RALY: variants seen among roughly 807,000 people sequenced by gnomAD.
RALY encodes the protein RALY heterogeneous nuclear ribonucleoprotein.
In RALY, 15 loss-of-function variants were observed where a neutral mutation model predicts 30.7. That is an observed-to-expected ratio of 0.49 (90% CI 0.33 to 0.75). The LOEUF (loss-of-function observed/expected upper bound fraction) is 0.75, where lower values mean the gene tolerates loss of function less well. Ranked by LOEUF, RALY falls within the 30% of genes least tolerant of loss-of-function variation. RALY has a pLI of 0.02. For synonymous variants in RALY, 177 were observed against 170.8 expected, an observed-to-expected ratio of 1.04 and a Z score of -0.28; for missense variants, 339 against 414.3, an observed-to-expected ratio of 0.82 and a Z score of 1.58.
At chr20:34,010,794 C>T (rs1438833422) in intron 1 of RALY, among the ~76,000 whole-genome samples, 1 of 152,202 alleles carries the variant, frequency 6.6e-6, no homozygotes, top group Admixed American at 6.5e-5. Context: ...ACCTCTTCCT[C>T]TTATAGGTCT....
chr20:34,010,321 C>G (rs757194216), intron 1 of RALY, among the ~76,000 whole-genome samples: 7 of 152,190 alleles, frequency 4.6e-5, no homozygotes, highest in Non-Finnish European at 7.3e-5. Flanking sequence ...CTCTACCTCC[C>G]GGGCTCAGGT....
At chr20:34,022,252 T>C (rs942868564) in intron 1 of RALY, among the ~76,000 whole-genome samples, 1 of 152,026 alleles carries the variant, frequency 6.6e-6, no homozygotes, top group Non-Finnish European at 1.5e-5. Context: ...TATTCTCTTC[T>C]CTATACCTTA....
chr20:34,018,694 C>T (rs907817621), intron 1 of RALY, among the ~76,000 whole-genome samples: 3 of 152,078 alleles, frequency 2.0e-5, no homozygotes, highest in Admixed American at 6.5e-5. Context: ...TTTGTTTTTT[C>T]CATTAGCAAT....
intron 2 of RALY, among the ~76,000 whole-genome samples, chr20:34,052,088 G>T (rs538867596): frequency 6.6e-6 from 1 of 152,270 alleles, no homozygotes; most frequent in South Asian, 2.1e-4. Flanking sequence ...CTAGAGATCT[G>T]TCCCAGTGTG....
intron 1 of RALY, among the ~76,000 whole-genome samples, chr20:34,024,833 G>A (rs1481209305): frequency 1.3e-5 from 2 of 152,212 alleles, no homozygotes; most frequent in Non-Finnish European, 2.9e-5. Flanking sequence ...CAACCATACA[G>A]TAGAGCCAGT....
intron 2 of RALY, among the ~76,000 whole-genome samples, chr20:34,057,405 C>T (rs1376495725): frequency 2.0e-5 from 3 of 152,152 alleles, no homozygotes; most frequent in Non-Finnish European, 4.4e-5. Flanking sequence ...TGGTGGCTCA[C>T]GCCTGTAATC....
intron 2 of RALY, chr20:34,033,206 C>G (rs773659861): frequency 6.6e-6 from 1 of 152,164 alleles, no homozygotes; most frequent in Non-Finnish European, 1.5e-5. Flanking sequence ...CTCCCTGTCC[C>G]CTCACGTCTC....
chr20:34,076,685 C>T lies in RALY; in HGVS notation c.545-17C>T, dbSNP rs1272766982. 1.2e-6 allele frequency: 2 copies of T among 1,608,736 alleles called. No individual in the cohort carries two copies. The highest frequency in any genetic ancestry group is 2.2e-5 in the East Asian group (1 of 44,840). ...CCAGCCCCCTAGGTGACAGCCCTGT[C>T]CCCCCTCCACTCCCAGTAAAGAGCA... On this transcript the variant is annotated splice_polypyrimidine_tract_variant and intron_variant, in intron 6 of 9. Coordinates refer to ENST00000246194, the MANE Select transcript of RALY (RefSeq NM_016732.3).
intron 1 of RALY, among the ~76,000 whole-genome samples, chr20:34,010,326 T>G (rs1329900845): frequency 6.6e-6 from 1 of 152,168 alleles, no homozygotes; most frequent in Non-Finnish European, 1.5e-5. Flanking sequence ...CCTCCCGGGC[T>G]CAGGTGGTTC....
chr20:34,022,250 T>G (rs1435660595), intron 1 of RALY, among the ~76,000 whole-genome samples: 1 of 151,960 alleles, frequency 6.6e-6, no homozygotes, highest in Non-Finnish European at 1.5e-5. Context: ...CTTATTCTCT[T>G]CTCTATACCT....
chr20:34,071,164 G>A (rs936408016), intron 2 of RALY, among the ~76,000 whole-genome samples: 2 of 152,170 alleles, frequency 1.3e-5, no homozygotes, highest in African/African-American at 2.4e-5. Context: ...ATTACAATTA[G>A]ACATGAGATT....
At chr20:34,048,871 A>AAAAAAG (rs1555805742) in intron 2 of RALY, among the ~76,000 whole-genome samples, 1 of 150,278 alleles carries the variant, frequency 6.7e-6, no homozygotes, top group Admixed American at 6.6e-5. Context: ...AAAAAAAAAA[A>AAAAAAG]TTTTCTCTGC....
chr20:34,045,339 A>G (rs1389391124), intron 2 of RALY, among the ~76,000 whole-genome samples: 1 of 152,218 alleles, frequency 6.6e-6, no homozygotes, highest in Non-Finnish European at 1.5e-5. Context: ...AGACCTCTCT[A>G]AGGAGGAAGA....
chr20:34,046,717 A>G (rs1555805475), intron 2 of RALY, among the ~76,000 whole-genome samples: 1 of 116,238 alleles, frequency 8.6e-6, no homozygotes, highest in Non-Finnish European at 1.9e-5. Context: ...GTGTGTAGAT[A>G]GAGGCCAGGT....
intron 2 of RALY, among the ~76,000 whole-genome samples, chr20:34,071,573 C>T (rs181494797): frequency 5.5e-4 from 84 of 152,230 alleles, no homozygotes; most frequent in Admixed American, 1.2e-3. Context: ...CCACCATGCC[C>T]GGCCCCTGCA....
At position 34,077,174 on chromosome 20, in the gene RALY, C is replaced by T; in HGVS notation, c.805C>T (p.Pro269Ser). ...QENTTSEAGL[P>S]QGEARTRDDG... ...GAACACAACTTCTGAGGCAGGCCTG[C>T]CCCAGGGGGAAGCACGGACCCGAGA... The change falls in exon 8 of 10, where the codon CCC becomes TCC. Residue 269 changes from proline to serine, a missense_variant. By Grantham distance (74) the Pro-to-Ser change is moderately conservative (BLOSUM62 -1). This residue lies in a region of RALY where 268 missense variants were observed against 280.6 expected (regional missense o/e 0.95). Transcript: ENST00000246194. 1.2e-6 allele frequency: 2 copies of T among 1,613,670 alleles called. No individual in the cohort carries two copies. The highest frequency in any genetic ancestry group is 1.7e-6 in the Non-Finnish European group (2 of 1,179,976).
intron 1 of RALY, among the ~76,000 whole-genome samples, chr20:34,025,899 GTTTTTTTTT>G (rs35827160): frequency 1.3e-5 from 1 of 75,918 alleles, no homozygotes; most frequent in African/African-American, 5.2e-5. Context: ...ATTCCTGGTT[GTTTTTTTTT>G]TTTTTTTTTT....
intron 1 of RALY, among the ~76,000 whole-genome samples, chr20:34,019,316 G>A (rs1348540688): frequency 6.6e-6 from 1 of 151,800 alleles, no homozygotes; most frequent in Non-Finnish European, 1.5e-5. Flanking sequence ...GACACAGCGA[G>A]ACTCTGTCTC....
chr20:33,997,207 C>G (rs1255564746), intron 1 of RALY, among the ~76,000 whole-genome samples: 1 of 152,164 alleles, frequency 6.6e-6, no homozygotes, highest in Non-Finnish European at 1.5e-5. Flanking sequence ...CCTCAACCTC[C>G]TGGGTTCAAG....
Sources: gnomAD v4.1 joint callset for allele counts (sites outside exome capture counted in the v4.1 genomes callset) on GRCh38, gnomAD v4.1.1 for gene constraint, gnomAD v4.1.1 regional missense constraint, MANE v1.5 for transcripts, NCBI Gene and HGNC (gene_info 2026-07-23, HGNC 2026-07-21) for gene names.